Variants in NTRK2 observed in about 807,000 individuals in gnomAD.
NTRK2 encodes neurotrophic receptor tyrosine kinase 2.
In NTRK2, 13 loss-of-function variants were observed where a neutral mutation model predicts 94.5. The ratio of observed to expected loss-of-function variants is 0.14; its 90% CI spans 0.09 to 0.22. NTRK2 has a LOEUF of 0.22. NTRK2 is among the 10% of genes least tolerant of loss of function. The pLI is 1.00. For missense variants in NTRK2, 639 were observed against 1,071.2 expected, an observed-to-expected ratio of 0.60 and a Z score of 5.63; for synonymous variants, 372 against 407.4, an observed-to-expected ratio of 0.91 and a Z score of 1.05.
rs1259821504 is a variant in NTRK2 at position 85,025,843 on chromosome 9, T to C, written c.*4406T>C. The stretch of plus-strand genomic sequence containing the variant: ...ACAGCTGATTTTTTATGATGCATAA[T>C]TGGAATGTGGAGCCTCTGAGGTTGT... On this transcript the variant is annotated 3_prime_UTR_variant, in exon 19 of 19. Coordinates refer to ENST00000277120, the MANE Select transcript of NTRK2 (RefSeq NM_006180.6). 1 of 232,832 alleles carries C rather than the reference T, an allele frequency of 4.3e-6. No individual in the cohort carries two copies. Among genetic ancestry groups the C allele is most frequent in the South Asian group, 1.8e-4 (1 of 5,518 alleles). The allele number at this position is 232,832 out of a possible 1,614,324, so 14.4% of individuals were successfully genotyped here.
In NTRK2 at chr9:85,006,005, C is replaced by T. The variant is rs375141930; in HGVS notation, c.2173-14201C>T. Among the ~76,000 whole-genome samples, 139 of 152,276 alleles carry T rather than the reference C, an allele frequency of 9.1e-4. No homozygotes were observed. In the Middle Eastern group the frequency reaches 0.02, roughly 22 times the overall value. On this transcript the variant is annotated intron_variant, in intron 17 of 18. Coordinates refer to ENST00000277120, the MANE Select transcript of NTRK2 (RefSeq NM_006180.6). ...ATATGGAGCTTATTCACATCCGTGA[C>T]CCCTGTGCCTACGACAATGCCTCAC...
At chr9:84,843,731 T>G (rs1036849373) in intron 12 of NTRK2, among the ~76,000 whole-genome samples, 22 of 152,128 alleles carry the variant, frequency 1.4e-4, no homozygotes, top group African/African-American at 4.8e-4. Flanking sequence ...CTATGTAGAA[T>G]AAAGAGTTGA....
intron 14 of NTRK2, chr9:84,876,786 C>G (rs907580917): frequency 5.7e-6 from 6 of 1,061,338 alleles, no homozygotes; most frequent in African/African-American, 3.3e-5. Flanking sequence ...GCTGCTTGAG[C>G]CTTATTTAGA....
chr9:84,924,987 C>T (rs1290953483), intron 14 of NTRK2, among the ~76,000 whole-genome samples: 1 of 152,066 alleles, frequency 6.6e-6, no homozygotes, highest in Non-Finnish European at 1.5e-5. Flanking sequence ...TAGGATGGCT[C>T]GCGTGTCTAG....
intron 14 of NTRK2, among the ~76,000 whole-genome samples, chr9:84,907,050 T>A (rs2077094883): frequency 6.6e-6 from 1 of 152,214 alleles, no homozygotes; most frequent in Non-Finnish European, 1.5e-5. Context: ...TCACCGCACT[T>A]GTGGCAGTTA....
chr9:84,697,823 C>T (rs2060480369), intron 2 of NTRK2, among the ~76,000 whole-genome samples: 2 of 152,136 alleles, frequency 1.3e-5, no homozygotes, highest in Non-Finnish European at 2.9e-5. Flanking sequence ...AGAACTTGAG[C>T]TCGGGTGTGT....
intron 14 of NTRK2, chr9:84,872,008 A>C: frequency 6.7e-7 from 1 of 1,502,318 alleles, no homozygotes; most frequent in Non-Finnish European, 8.9e-7. Context: ...AGTGTGCTCT[A>C]ATGACTAACC....
chr9:85,004,022 AAAG>A (rs1208137435), intron 17 of NTRK2, among the ~76,000 whole-genome samples: 1 of 63,008 alleles, frequency 1.6e-5, no homozygotes, highest in Non-Finnish European at 3.2e-5. Context: ...AGAAAGAGAG[AAAG>A]AAAGAAAGAG....
intron 14 of NTRK2, among the ~76,000 whole-genome samples, chr9:84,906,026 A>T (rs2077066115): frequency 6.6e-6 from 1 of 152,202 alleles, no homozygotes; most frequent in Non-Finnish European, 1.5e-5. Flanking sequence ...AATACTTTGC[A>T]TGTGTGAAGC....
At chr9:84,914,008 T>C (rs1257738946) in intron 14 of NTRK2, among the ~76,000 whole-genome samples, 1 of 152,104 alleles carries the variant, frequency 6.6e-6, no homozygotes, top group Admixed American at 6.5e-5. Context: ...TTCTGAAAAA[T>C]TGAGTAATTT....
chr9:84,895,725 T>A (rs1317108459), intron 14 of NTRK2, among the ~76,000 whole-genome samples: 1 of 152,222 alleles, frequency 6.6e-6, no homozygotes, highest in Non-Finnish European at 1.5e-5. Flanking sequence ...AGTGCAAAGC[T>A]GTGAGGCTTG....
intron 12 of NTRK2, among the ~76,000 whole-genome samples, chr9:84,855,541 G>T (rs1341309471): frequency 6.6e-6 from 1 of 151,800 alleles, no homozygotes; most frequent in Non-Finnish European, 1.5e-5. Flanking sequence ...GTGCTGACAG[G>T]TTGGGAAGTC....
intron 12 of NTRK2, among the ~76,000 whole-genome samples, chr9:84,818,549 C>T (rs2072573627): frequency 6.6e-6 from 1 of 152,222 alleles, no homozygotes; most frequent in Non-Finnish European, 1.5e-5. Flanking sequence ...TTGGCACATA[C>T]ATTTTAAATT....
intron 12 of NTRK2, among the ~76,000 whole-genome samples, chr9:84,836,091 T>C (rs2073858879): frequency 6.6e-6 from 1 of 152,204 alleles, no homozygotes; most frequent in Non-Finnish European, 1.5e-5. Context: ...AACACCATAG[T>C]TCTGTTCTTT....
chr9:84,989,480 T>C (rs977679030), intron 17 of NTRK2, among the ~76,000 whole-genome samples: 2 of 152,228 alleles, frequency 1.3e-5, no homozygotes, highest in Non-Finnish European at 2.9e-5. Flanking sequence ...ATGCCATTCA[T>C]TTCTTGACAT....
At chr9:84,681,380 T>C (rs2059381801) in intron 2 of NTRK2, among the ~76,000 whole-genome samples, 1 of 152,216 alleles carries the variant, frequency 6.6e-6, no homozygotes, top group Non-Finnish European at 1.5e-5. Context: ...ATATTACGTC[T>C]TGTCAATCCA....
intron 12 of NTRK2, among the ~76,000 whole-genome samples, chr9:84,776,464 C>T (rs561463557): frequency 5.3e-5 from 8 of 152,156 alleles, no homozygotes; most frequent in Non-Finnish European, 7.3e-5. Context: ...TCAAGTGATC[C>T]GCCCACCTTG....
intron 14 of NTRK2, among the ~76,000 whole-genome samples, chr9:84,867,741 C>G (rs561344102): frequency 6.6e-6 from 1 of 152,262 alleles, no homozygotes; most frequent in East Asian, 1.9e-4. Flanking sequence ...AGACAGAAAC[C>G]AGAAGTGTCA....
intron 17 of NTRK2, among the ~76,000 whole-genome samples, chr9:85,015,037 C>T (rs1203973661): frequency 6.6e-6 from 1 of 152,158 alleles, no homozygotes; most frequent in Non-Finnish European, 1.5e-5. Context: ...AACCAAGTTG[C>T]AGTGATTAGC....
Sources: allele counts gnomAD v4.1 joint callset (sites outside exome capture counted in the v4.1 genomes callset), GRCh38; gene constraint gnomAD v4.1.1; transcripts MANE v1.5; gene names NCBI Gene and HGNC (gene_info 2026-07-23, HGNC 2026-07-21).